Variants in FMN1 observed in about 807,000 individuals in gnomAD.
The protein encoded by FMN1 is formin-1.
Under a neutral mutation model 132.4 loss-of-function variants are expected in FMN1, and 110 were observed. The ratio of observed to expected loss-of-function variants is 0.83; its 90% CI spans 0.71 to 0.97. The LOEUF is 0.97. Among genes scored for constraint, FMN1 ranks in the 50% least tolerant of loss-of-function variants. FMN1 has a pLI of 0.00. For missense variants in FMN1, 1,792 were observed against 1,705.3 expected, an observed-to-expected ratio of 1.05 and a Z score of -0.90; for synonymous variants, 722 against 651.7, an observed-to-expected ratio of 1.11 and a Z score of -1.64.
At chr15:33,016,495 G>A (rs573348840) in intron 6 of FMN1, among the ~76,000 whole-genome samples, 17 of 152,194 alleles carry the variant, frequency 1.1e-4, no homozygotes, top group Non-Finnish European at 2.1e-4. Flanking sequence ...GCAGTTTGAA[G>A]AAAGCATAAC....
intron 4 of FMN1, among the ~76,000 whole-genome samples, chr15:33,092,179 A>G (rs956674883): frequency 3.9e-5 from 6 of 152,200 alleles, no homozygotes; most frequent in Admixed American, 6.5e-5. Flanking sequence ...CATTCACATG[A>G]TGAGCTGCAC....
chr15:32,870,465 A>G (rs900411875), intron 16 of FMN1, among the ~76,000 whole-genome samples: 5 of 152,196 alleles, frequency 3.3e-5, no homozygotes, highest in Non-Finnish European at 7.3e-5. Flanking sequence ...ATTCTCCATG[A>G]AAAAATTTAA....
chr15:32,834,347 T>G (rs1478124110), intron 17 of FMN1, among the ~76,000 whole-genome samples: 1 of 152,186 alleles, frequency 6.6e-6, no homozygotes, highest in Non-Finnish European at 1.5e-5. Flanking sequence ...GAACTTGGTC[T>G]CCCTTGGGCT....
intron 4 of FMN1, among the ~76,000 whole-genome samples, chr15:33,106,534 T>G (rs773525035): frequency 1.5e-4 from 23 of 152,054 alleles, no homozygotes; most frequent in Admixed American, 3.9e-4. Flanking sequence ...CAGGGTTGAA[T>G]GCATACTTTT....
chr15:32,942,088 G>T (rs2061412882), intron 9 of FMN1, among the ~76,000 whole-genome samples: 1 of 152,148 alleles, frequency 6.6e-6, no homozygotes, highest in Non-Finnish European at 1.5e-5. Flanking sequence ...AGCCTTTCCA[G>T]ACCCCTGCCA....
At chr15:32,838,472 C>T (rs999469640) in intron 17 of FMN1, among the ~76,000 whole-genome samples, 4 of 11,732 alleles carry the variant, frequency 3.4e-4, no homozygotes, top group East Asian at 0.024. Flanking sequence ...ACATAGCAGG[C>T]GCAGTGAATG....
intron 12 of FMN1, among the ~76,000 whole-genome samples, chr15:32,903,765 A>AGTCTT (rs1412736351): frequency 1.3e-5 from 2 of 152,208 alleles, no homozygotes; most frequent in Non-Finnish European, 2.9e-5. Context: ...ACAAGACCAT[A>AGTCTT]GTCTTATCAA....
chr15:32,870,113 G>A (rs560936620), intron 16 of FMN1, among the ~76,000 whole-genome samples: 1 of 152,260 alleles, frequency 6.6e-6, no homozygotes, highest in African/African-American at 2.4e-5. Flanking sequence ...CTTTAAAACT[G>A]ATTTAGTTCT....
chr15:32,817,399 C>T (rs919567219), intron 17 of FMN1, among the ~76,000 whole-genome samples: 11 of 152,268 alleles, frequency 7.2e-5, no homozygotes, highest in Admixed American at 4.6e-4. Context: ...ACTTTTTAAC[C>T]CATTTTTATT....
intron 20 of FMN1, among the ~76,000 whole-genome samples, chr15:32,774,693 C>T (rs563725909): frequency 2.0e-5 from 3 of 152,238 alleles, no homozygotes; most frequent in South Asian, 2.1e-4. Context: ...GGACCCCTTC[C>T]GTCCCTACCT....
intron 16 of FMN1, among the ~76,000 whole-genome samples, chr15:32,881,495 T>TGTTC (rs2059769229): frequency 6.6e-6 from 1 of 152,182 alleles, no homozygotes; most frequent in Admixed American, 6.5e-5. Context: ...ATTCCATGAG[T>TGTTC]GTTCAGTCCT....
At chr15:33,148,680 G>A (rs12902884) in intron 4 of FMN1, among the ~76,000 whole-genome samples, 7,824 of 151,914 alleles carry the variant, frequency 0.052, 295 homozygotes, top group Non-Finnish European at 0.068. Flanking sequence ...GACCACGCAC[G>A]CCTTCCCTTG....
At chr15:33,077,966 A>T (rs1477930481) in intron 5 of FMN1, among the ~76,000 whole-genome samples, 1 of 152,216 alleles carries the variant, frequency 6.6e-6, no homozygotes. Flanking sequence ...TAGAATGGCG[A>T]TCATTAAAAA....
chr15:33,179,223 T>G (rs1965615010), intron 3 of FMN1, among the ~76,000 whole-genome samples: 1 of 152,096 alleles, frequency 6.6e-6, no homozygotes, highest in Non-Finnish European at 1.5e-5. Context: ...ATACCAAACT[T>G]TCCATTAAAA....
intron 6 of FMN1, among the ~76,000 whole-genome samples, chr15:33,023,382 T>C (rs951225960): frequency 6.6e-6 from 1 of 152,014 alleles, no homozygotes; most frequent in African/African-American, 2.4e-5. Flanking sequence ...CATCACCCAA[T>C]GCAAATTTAA....
At position 33,067,253 on chromosome 15, in the gene FMN1, G is replaced by A. The variant is rs1172762239; in HGVS notation, c.2044-2179C>T. On this transcript the variant is annotated intron_variant, in intron 5 of 20. Coordinates refer to ENST00000616417, the MANE Select transcript of FMN1 (RefSeq NM_001277313.2). ...AGCTTCCAGTTTGCTGCTCATCTCA[G>A]GTGGAATCCTTTGAGGATCTTCTGC... The A allele has an allele frequency of 8.1e-6, 13 of 1,613,276 alleles. No individual in the cohort carries two copies. The South Asian group carries it at 1.3e-4, about 16-fold the overall frequency.
intron 4 of FMN1, among the ~76,000 whole-genome samples, chr15:33,120,051 G>A (rs1028635932): frequency 3.3e-5 from 5 of 152,074 alleles, no homozygotes; most frequent in East Asian, 1.9e-4. Context: ...TAAGAGATTA[G>A]CAATTAAATG....
At chr15:33,013,129 T>C (rs79491750) in intron 6 of FMN1, 6 of 403,778 alleles carry the variant, frequency 1.5e-5, no homozygotes, top group East Asian at 1.4e-4. Flanking sequence ...AGGGAAGCTA[T>C]AGGTTGCAAC....
At chr15:33,067,276 T>C in intron 5 of FMN1, 1 of 1,613,766 alleles carries the variant, frequency 6.2e-7, no homozygotes, top group Non-Finnish European at 8.5e-7. Context: ...GAGGATCTTC[T>C]GCACAGAGCT....
Sources: gnomAD v4.1 joint callset for allele counts (sites outside exome capture counted in the v4.1 genomes callset) on GRCh38, gnomAD v4.1.1 for gene constraint, MANE v1.5 for transcripts, NCBI Gene and HGNC (gene_info 2026-07-23, HGNC 2026-07-21) for gene names.